The following TANC1 variants were observed in gnomAD, a reference collection of about 807,000 sequenced individuals.
The protein encoded by TANC1 is protein TANC1.
TANC1 carries 77 observed loss-of-function variants against 149.7 expected under a neutral mutation model. The ratio of observed to expected loss-of-function variants is 0.51; its 90% CI spans 0.43 to 0.62. TANC1 has a LOEUF of 0.62. Among genes scored for constraint, TANC1 ranks in the 20% least tolerant of loss-of-function variants. The probability of loss-of-function intolerance (pLI) is 0.00; values close to 1 mark genes in which losing one functional copy is unlikely to be tolerated. For missense variants in TANC1, 1,985 were observed against 2,321.8 expected (o/e 0.85, Z 2.98); for synonymous variants, 854 against 925.0 (o/e 0.92, Z 1.39).
At chr2:159,082,794 C>T (rs1384700526) in intron 3 of TANC1, among the ~76,000 whole-genome samples, 2 of 152,174 alleles carry the variant, frequency 1.3e-5, no homozygotes, top group Non-Finnish European at 2.9e-5. Flanking sequence ...AGTCAGTGTT[C>T]ACCTTTGGCT....
In TANC1 at chr2:159,090,224, G is replaced by A. The variant is rs538736771; in HGVS notation, c.62-7413G>A. On this transcript the variant is annotated intron_variant, in intron 3 of 26. Coordinates refer to ENST00000263635, the MANE Select transcript of TANC1 (RefSeq NM_033394.3). ...ATAATGTGTGTGCCTACATACATAT[G>A]TAGATACACATATATATACACATAT... is the stretch of plus-strand genomic sequence containing the variant. 1.1e-4 allele frequency among the ~76,000 whole-genome samples: 17 copies of A among 152,286 alleles called. No individual in the cohort carries two copies. In the South Asian group the frequency reaches 3.5e-3, roughly 32 times the overall value.
intron 3 of TANC1, among the ~76,000 whole-genome samples, chr2:159,079,224 T>C (rs568482079): frequency 2.6e-5 from 4 of 152,168 alleles, no homozygotes; most frequent in Admixed American, 2.0e-4. Flanking sequence ...AGAGATGGGG[T>C]CTCACTATAT....
rs750431542 is a variant in TANC1 at position 159,169,298 on chromosome 2, G to A, written c.995G>A (p.Arg332Lys). The change falls in exon 9 of 27, where the codon AGA (arginine) becomes AAA (lysine). Residue 332 changes from arginine (R) to lysine (K), a missense_variant. Transcript: ENST00000263635. Reference sequence around the variant, plus strand: ...GATCTGAGTTATTTAGACGGGCAGAGAAATGCTCCTCTACGGACGTCAATT... The same window carrying A: ...GATCTGAGTTATTTAGACGGGCAGAAAAATGCTCCTCTACGGACGTCAATT... ...LEDLSYLDGQ[R>K]NAPLRTSIRL... 39 of 1,613,738 alleles carry A rather than the reference G, an allele frequency of 2.4e-5. No homozygotes were observed. The highest frequency in any genetic ancestry group is 3.2e-5 in the Non-Finnish European group (38 of 1,179,740).
At chr2:159,043,003 C>A (rs924232734) in intron 2 of TANC1, among the ~76,000 whole-genome samples, 1 of 152,046 alleles carries the variant, frequency 6.6e-6, no homozygotes, top group African/African-American at 2.4e-5. Flanking sequence ...GGTGGTAAAC[C>A]GGATGCATCT....
chr2:158,982,548 C>A (rs1360464032), intron 1 of TANC1, among the ~76,000 whole-genome samples: 1 of 152,226 alleles, frequency 6.6e-6, no homozygotes, highest in Non-Finnish European at 1.5e-5. Flanking sequence ...CTATCAAAAC[C>A]AGATCATCTT....
Position 159,111,392 on chromosome 2 carries a change from T to G in TANC1, c.259+13558T>G, listed in dbSNP as rs78583250. On this transcript the variant is annotated intron_variant, in intron 4 of 26. Transcript: ENST00000263635. ...GAAACACAGGTGCTCCTTACACAGG[T>G]AAGTGATAAAGTCAGCACTTGAGGC... 7.8e-3 allele frequency among the ~76,000 whole-genome samples: 1,188 copies of G among 152,316 alleles called. 11 individuals carry two copies. Among genetic ancestry groups the G allele is most frequent in the African/African-American group, 0.027 (1,120 of 41,572 alleles).
At chr2:158,979,058 A>T (rs1042880061) in intron 1 of TANC1, among the ~76,000 whole-genome samples, 9 of 152,126 alleles carry the variant, frequency 5.9e-5, no homozygotes, top group South Asian at 4.2e-4. Context: ...ATATGATATA[A>T]TTTTTTTCAG....
chr2:158,969,601 C>T (rs2032531971), intron 1 of TANC1, among the ~76,000 whole-genome samples: 1 of 152,178 alleles, frequency 6.6e-6, no homozygotes, highest in African/African-American at 2.4e-5. Context: ...TGTGGGTGTG[C>T]GGGGCTCCCG....
chr2:159,027,519 A>G (rs1327142401), intron 2 of TANC1, among the ~76,000 whole-genome samples: 5 of 152,182 alleles, frequency 3.3e-5, no homozygotes, highest in Non-Finnish European at 5.9e-5. Flanking sequence ...GGCCACCACC[A>G]CTTAAGCAAA....
chr2:159,195,968 T>C (rs2057813136), intron 17 of TANC1, among the ~76,000 whole-genome samples: 1 of 152,206 alleles, frequency 6.6e-6, no homozygotes, highest in African/African-American at 2.4e-5. Context: ...TGCCGCTGCT[T>C]TGGGGCCTTG....
rs1213554921 is a variant in TANC1 at position 159,172,281 on chromosome 2, T to C, written c.1503+9T>C. 1 of 1,612,824 alleles carries C rather than the reference T, an allele frequency of 6.2e-7. No homozygotes were observed. The highest frequency in any genetic ancestry group is 8.5e-7 in the Non-Finnish European group (1 of 1,179,344). On this transcript the variant is annotated intron_variant, in intron 11 of 26. Coordinates refer to ENST00000263635, the MANE Select transcript of TANC1 (RefSeq NM_033394.3). Reference sequence around the variant, plus strand: ...AATATCTTGCTTCTAAGGTAATCTTTCTTGTTTTATTGGAGCCTTCCACAT... The same window carrying C: ...AATATCTTGCTTCTAAGGTAATCTTCCTTGTTTTATTGGAGCCTTCCACAT...
intron 2 of TANC1, among the ~76,000 whole-genome samples, chr2:159,037,035 T>A (rs1280899508): frequency 6.6e-6 from 1 of 152,204 alleles, no homozygotes. Flanking sequence ...TTTCCTGACT[T>A]TTTAATGATC....
chr2:159,135,180 C>T (rs1432490040), intron 4 of TANC1, among the ~76,000 whole-genome samples: 1 of 152,158 alleles, frequency 6.6e-6, no homozygotes, highest in Non-Finnish European at 1.5e-5. Context: ...CTGGGCATGA[C>T]ATATGAATGG....
intron 2 of TANC1, among the ~76,000 whole-genome samples, chr2:159,025,184 C>CTT (rs2039177914): frequency 7.4e-6 from 1 of 134,392 alleles, no homozygotes; most frequent in Non-Finnish European, 1.6e-5. Flanking sequence ...CTTTCTTTTT[C>CTT]TTTCTTTTCT....
At chr2:159,122,301 G>A (rs2048927445) in intron 4 of TANC1, among the ~76,000 whole-genome samples, 1 of 152,106 alleles carries the variant, frequency 6.6e-6, no homozygotes, top group Admixed American at 6.5e-5. Flanking sequence ...GATAGATGCT[G>A]GGGCTGGCCT....
chr2:159,217,635 C>G lies in TANC1; in HGVS notation c.3378+5C>G. Reference sequence around the variant, plus strand: ...GCACGCCAGGGGCATTGGCAGGTACCCAGGGGGCCCCTGAATGCTTCAGAA... The same window carrying G: ...GCACGCCAGGGGCATTGGCAGGTACGCAGGGGGCCCCTGAATGCTTCAGAA... On this transcript the variant is annotated splice_donor_5th_base_variant and intron_variant, in intron 20 of 26. Coordinates refer to ENST00000263635, the MANE Select transcript of TANC1 (RefSeq NM_033394.3). 3 of 1,613,796 alleles carry G rather than the reference C, an allele frequency of 1.9e-6. No homozygotes were observed. The highest frequency in any genetic ancestry group is 2.5e-6 in the Non-Finnish European group (3 of 1,179,960).
chr2:159,080,533 C>G (rs767875883), intron 3 of TANC1, among the ~76,000 whole-genome samples: 1 of 152,134 alleles, frequency 6.6e-6, no homozygotes, highest in Non-Finnish European at 1.5e-5. Context: ...ATTGATGACC[C>G]CAGCTCAGTA....
intron 12 of TANC1, among the ~76,000 whole-genome samples, chr2:159,175,654 C>T (rs934829434): frequency 6.6e-6 from 1 of 152,214 alleles, no homozygotes; most frequent in African/African-American, 2.4e-5. Flanking sequence ...AGGTAATGGA[C>T]ATCAGTGACC....
chr2:159,209,988 C>A (rs1006014180), intron 19 of TANC1, among the ~76,000 whole-genome samples: 1 of 152,096 alleles, frequency 6.6e-6, no homozygotes, highest in Admixed American at 6.6e-5. Context: ...GTAAATTGCA[C>A]ATGTGAATAC....
Sources: gnomAD v4.1 joint callset for allele counts (sites outside exome capture counted in the v4.1 genomes callset) on GRCh38, gnomAD v4.1.1 for gene constraint, MANE v1.5 for transcripts, NCBI Gene and HGNC (gene_info 2026-07-23, HGNC 2026-07-21) for gene names.